Variants in NINJ2 observed in about 807,000 individuals in gnomAD.
NINJ2 encodes the protein ninjurin-2.
In NINJ2, 12 loss-of-function variants were observed where a neutral mutation model predicts 11.7. The observed-to-expected ratio is 1.02, with a 90% CI of 0.66 to 1.66. The LOEUF is 1.66. Ranked by LOEUF, NINJ2 falls within the 40% of genes most tolerant of loss-of-function variation. NINJ2 has a pLI of 0.00. For missense variants in NINJ2, 187 were observed against 181.8 expected (o/e 1.03, Z -0.16); for synonymous variants, 93 against 76.8 (o/e 1.21, Z -1.10).
intron 1 of NINJ2, among the ~76,000 whole-genome samples, chr12:655,921 AATAAATAAATTT>A (rs1385000549): frequency 1.3e-5 from 2 of 151,904 alleles, no homozygotes; most frequent in Non-Finnish European, 2.9e-5. Context: ...TTAATAAATA[AATAAATAAATTT>A]ATAAATAAAT....
At chr12:646,972 C>G (rs1172905602) in intron 1 of NINJ2, among the ~76,000 whole-genome samples, 1 of 152,212 alleles carries the variant, frequency 6.6e-6, no homozygotes, top group African/African-American at 2.4e-5. Context: ...TTCCAGGATA[C>G]TGGGAGCTCT....
intron 1 of NINJ2, among the ~76,000 whole-genome samples, chr12:662,704 C>T (rs1937974036): frequency 6.6e-6 from 1 of 152,200 alleles, no homozygotes; most frequent in South Asian, 2.1e-4. Context: ...ACATCCCACC[C>T]TTTCCCCTCC....
At chr12:623,435 C>T (rs1330216631) in intron 1 of NINJ2, among the ~76,000 whole-genome samples, 1 of 152,222 alleles carries the variant, frequency 6.6e-6, no homozygotes, top group Non-Finnish European at 1.5e-5. Flanking sequence ...TCTGTTAGTG[C>T]TGTGAGTCTC....
chr12:587,573 A>G (rs1947656261), intron 1 of NINJ2, among the ~76,000 whole-genome samples: 1 of 152,058 alleles, frequency 6.6e-6, no homozygotes, highest in Non-Finnish European at 1.5e-5. Flanking sequence ...TACAGCTGGG[A>G]GGGGAGCTGG....
chr12:585,530 CGGTTG>C lies in NINJ2; in HGVS notation c.34-19357_34-19353del, dbSNP rs1947623570. On this transcript the variant is annotated intron_variant, in intron 1 of 3. Coordinates refer to ENST00000305108, the MANE Select transcript of NINJ2 (RefSeq NM_016533.6). The surrounding 1 kb of genome is among the most constrained non-coding windows in gnomAD (Gnocchi z 4.1). ...AACGGTTGGAGGGAAGGGAAGGGAACGGTTGGAGGGAAGGGAAGGGAACGGTTGGA... is the reference window on the plus strand; with the variant it reads ...AACGGTTGGAGGGAAGGGAAGGGAACGAGGGAAGGGAAGGGAACGGTTGGA... 2.3e-5 allele frequency among the ~76,000 whole-genome samples: 2 copies of C among 85,356 alleles called. No homozygotes were observed. The highest frequency in any genetic ancestry group is 1.5e-4 in the Admixed American group (1 of 6,680). 56.0% of individuals were successfully genotyped at this position (85,356 alleles called of 152,430 possible). A position where few individuals can be genotyped will look rare whatever the true frequency, so the allele number is the denominator to read the frequency against.
chr12:611,249 C>T (rs60308697), intron 1 of NINJ2, among the ~76,000 whole-genome samples: 38,430 of 106,902 alleles, frequency 0.36, 5,377 homozygotes, highest in Middle Eastern at 0.48. Flanking sequence ...CTTTCTTTCT[C>T]TCTCTCTCTT....
At chr12:607,779 C>T (rs998369261) in intron 1 of NINJ2, among the ~76,000 whole-genome samples, 1 of 152,154 alleles carries the variant, frequency 6.6e-6, no homozygotes, top group Non-Finnish European at 1.5e-5. Flanking sequence ...CAGGCAGAAA[C>T]CTGTGGCCCA....
At chr12:600,651 GGGGTGT>G (rs1947853508) in intron 1 of NINJ2, among the ~76,000 whole-genome samples, 1 of 112,608 alleles carries the variant, frequency 8.9e-6, no homozygotes, top group African/African-American at 3.4e-5. Context: ...GAATTTTTTT[GGGGTGT>G]GTGTGTGTGT....
At chr12:629,936 G>A (rs1189192776) in intron 1 of NINJ2, among the ~76,000 whole-genome samples, 3 of 102,558 alleles carry the variant, frequency 2.9e-5, no homozygotes, top group Admixed American at 1.4e-4. Flanking sequence ...GTTTCTTTGC[G>A]ATTTTTTAAA....
intron 1 of NINJ2, among the ~76,000 whole-genome samples, chr12:656,435 T>A (rs1276216086): frequency 2.1e-5 from 3 of 146,032 alleles, no homozygotes; most frequent in African/African-American, 7.3e-5. Context: ...GTCAGAGGAC[T>A]GACACTACCC....
chr12:615,322 C>T (rs532575922), intron 1 of NINJ2, among the ~76,000 whole-genome samples: 55 of 152,340 alleles, frequency 3.6e-4, no homozygotes, highest in African/African-American at 1.0e-3. Context: ...GAAACTCTGG[C>T]TCATGCCTGT....
rs1947537826 is a variant in NINJ2 at position 580,731 on chromosome 12, T to C, written c.34-14553A>G. Among the ~76,000 whole-genome samples the C allele has an allele frequency of 1.3e-5, 2 of 152,202 alleles. No individual in the cohort carries two copies. Among genetic ancestry groups the C allele is most frequent in the Admixed American group, 1.3e-4 (2 of 15,276 alleles). ...GGGGTGCCTGCCAATGGCTATAGTA[T>C]ACAAACACCTCGACTGCGCTGCTGA... On this transcript the variant is annotated intron_variant, in intron 1 of 3. Transcript: ENST00000305108. The surrounding 1 kb of genome is among the most constrained non-coding windows in gnomAD (Gnocchi z 4.7).
rs912088758 is a variant in NINJ2 at position 598,888 on chromosome 12, C to T, written c.34-32710G>A. ...CTAGTTTTCATATTTTTGGTAAGGA[C>T]GGGGTTTCACCATGTTGGCCAGGCT... On this transcript the variant is annotated intron_variant, in intron 1 of 3. Coordinates refer to ENST00000305108, the MANE Select transcript of NINJ2 (RefSeq NM_016533.6). Among the ~76,000 whole-genome samples the T allele has an allele frequency of 9.3e-4, 141 of 151,552 alleles. 1 individual carries two copies. The highest frequency in any genetic ancestry group is 6.3e-4 in the South Asian group (3 of 4,774).
chr12:658,642 TCTA>T lies in NINJ2; in HGVS notation c.33+4683_33+4685del, dbSNP rs1336405677. 6.7e-5 allele frequency among the ~76,000 whole-genome samples: 10 copies of T among 149,244 alleles called. No individual in the cohort carries two copies. The East Asian group carries it at 2.0e-3, about 30-fold the overall frequency. ...AGGATTTTTAGGGCAGTGAAACTTC[TCTA>T]TTATGCTATGCTATGCTATGCTATG... On this transcript the variant is annotated intron_variant, in intron 1 of 3. Coordinates refer to ENST00000305108, the MANE Select transcript of NINJ2 (RefSeq NM_016533.6).
intron 1 of NINJ2, among the ~76,000 whole-genome samples, chr12:576,548 G>T (rs1282906627): frequency 2.0e-5 from 3 of 152,212 alleles, no homozygotes; most frequent in South Asian, 2.1e-4. Flanking sequence ...AGGCTGCGGG[G>T]TGGTGGCCCC....
intron 1 of NINJ2, among the ~76,000 whole-genome samples, chr12:600,653 G>GGGGTGT (rs1190436990): frequency 7.0e-6 from 1 of 141,950 alleles, no homozygotes; most frequent in Non-Finnish European, 1.5e-5. Context: ...ATTTTTTTGG[G>GGGGTGT]GTGTGTGTGT....
At chr12:630,333 TA>T (rs1159754355) in intron 1 of NINJ2, among the ~76,000 whole-genome samples, 2 of 152,084 alleles carry the variant, frequency 1.3e-5, no homozygotes, top group African/African-American at 4.8e-5. Context: ...AAGCTGCTTC[TA>T]TTTTTTTTTA....
At chr12:622,133 A>AC (rs1422557870) in intron 1 of NINJ2, among the ~76,000 whole-genome samples, 4 of 148,492 alleles carry the variant, frequency 2.7e-5, no homozygotes, top group Non-Finnish European at 6.0e-5. Flanking sequence ...AAAAAAAAAA[A>AC]AAAAAAGGCC....
intron 1 of NINJ2, among the ~76,000 whole-genome samples, chr12:611,237 TTCTTTCTTTCTCTCTCTC>T (rs1475788733): frequency 5.4e-4 from 67 of 124,266 alleles, no homozygotes; most frequent in Middle Eastern, 4.2e-3. Flanking sequence ...TTTTCTTTCT[TTCTTTCTTTCTCTCTCTC>T]TCTTTCTTTC....
Sources: gnomAD v4.1 joint callset for allele counts (sites outside exome capture counted in the v4.1 genomes callset) on GRCh38, gnomAD v4.1.1 for gene constraint, Gnocchi (gnomAD v3.1) non-coding constraint, MANE v1.5 for transcripts, NCBI Gene and HGNC (gene_info 2026-07-23, HGNC 2026-07-21) for gene names.